DENND1A: variants seen among roughly 807,000 people sequenced by gnomAD.
DENND1A encodes the protein DENN domain containing 1A, also known as DENN domain-containing protein 1A.
Under a neutral mutation model 113.7 loss-of-function variants are expected in DENND1A, and 51 were observed. The observed-to-expected ratio is 0.45, with a 90% CI of 0.36 to 0.57. DENND1A has a LOEUF of 0.57. DENND1A is among the 20% of genes least tolerant of loss of function. The probability of loss-of-function intolerance (pLI) is 0.00; values close to 1 mark genes in which losing one functional copy is unlikely to be tolerated. For synonymous variants in DENND1A, 565 were observed against 570.8 expected (o/e 0.99, Z 0.14); for missense variants, 1,258 against 1,395.9 (o/e 0.90, Z 1.57).
intron 1 of DENND1A, among the ~76,000 whole-genome samples, chr9:123,920,253 A>G (rs1855978303): frequency 6.6e-6 from 1 of 152,086 alleles, no homozygotes; most frequent in South Asian, 2.1e-4. Context: ...CAAACTGGAG[A>G]AATCCGTCTC....
chr9:123,752,749 T>C (rs1206647226), intron 5 of DENND1A, among the ~76,000 whole-genome samples: 1 of 152,218 alleles, frequency 6.6e-6, no homozygotes, highest in African/African-American at 2.4e-5. Flanking sequence ...CTAGGTCACT[T>C]TGTTTTATAA....
intron 12 of DENND1A, among the ~76,000 whole-genome samples, chr9:123,581,743 C>T (rs1301100901): frequency 6.6e-6 from 1 of 152,200 alleles, no homozygotes; most frequent in Non-Finnish European, 1.5e-5. Context: ...CACCAATGCC[C>T]ACCAGGTAAA....
intron 13 of DENND1A, among the ~76,000 whole-genome samples, chr9:123,537,625 G>A (rs2055883898): frequency 6.7e-6 from 1 of 149,720 alleles, no homozygotes; most frequent in South Asian, 2.1e-4. Context: ...TAAAATTGCT[G>A]AACTTAAAAA....
chr9:123,588,424 G>C (rs1308754280), intron 11 of DENND1A, among the ~76,000 whole-genome samples: 1 of 151,530 alleles, frequency 6.6e-6, no homozygotes, highest in Non-Finnish European at 1.5e-5. Flanking sequence ...TTCAAGACCA[G>C]CCTGGACAAC....
intron 5 of DENND1A, among the ~76,000 whole-genome samples, chr9:123,696,365 G>T (rs2065521498): frequency 6.6e-6 from 1 of 152,210 alleles, no homozygotes; most frequent in East Asian, 1.9e-4. Flanking sequence ...TTTCTTTACT[G>T]CTGTACAATA....
At chr9:123,873,266 G>A (rs1201018360) in intron 2 of DENND1A, among the ~76,000 whole-genome samples, 1 of 152,182 alleles carries the variant, frequency 6.6e-6, no homozygotes, top group Non-Finnish European at 1.5e-5. Context: ...AGTTCAGCTT[G>A]TGTACTCAAA....
At chr9:123,552,659 C>T (rs762653799) in intron 13 of DENND1A, among the ~76,000 whole-genome samples, 16 of 152,346 alleles carry the variant, frequency 1.1e-4, no homozygotes, top group Admixed American at 4.6e-4. Context: ...GGCTGCCCTG[C>T]GTGGCGTTCA....
At chr9:123,490,531 G>C (rs2051277027) in intron 13 of DENND1A, among the ~76,000 whole-genome samples, 1 of 152,084 alleles carries the variant, frequency 6.6e-6, no homozygotes, top group African/African-American at 2.4e-5. Context: ...AGAGGTTATA[G>C]TGAGCCAAGA....
intron 5 of DENND1A, among the ~76,000 whole-genome samples, chr9:123,689,377 C>T (rs1162241504): frequency 6.6e-6 from 1 of 152,052 alleles, no homozygotes; most frequent in Non-Finnish European, 1.5e-5. Context: ...AGGAAAGTTG[C>T]CTTTTAATGA....
intron 13 of DENND1A, among the ~76,000 whole-genome samples, chr9:123,508,306 A>G (rs1030452169): frequency 7.9e-5 from 12 of 152,236 alleles, no homozygotes; most frequent in Admixed American, 7.2e-4. Context: ...TGTCTTTGCC[A>G]TTTGCATTCA....
rs190987597 is a variant in DENND1A at position 123,800,250 on chromosome 9, T to C, written c.89-7620A>G. ...ATCTGTATAAATTGAAGGACCCTTC[T>C]GCTAATTCCTTTGCTTTCTAAGTTT... On this transcript the variant is annotated intron_variant, in intron 2 of 23. Coordinates refer to ENST00000394215, the MANE Select transcript of DENND1A (RefSeq NM_001352964.2). Among the ~76,000 whole-genome samples the C allele has an allele frequency of 3.3e-3, 497 of 152,374 alleles. 5 individuals carry two copies. Among genetic ancestry groups the C allele is most frequent in the African/African-American group, 0.011 (470 of 41,598 alleles).
chr9:123,823,346 G>A (rs1036056725), intron 2 of DENND1A, among the ~76,000 whole-genome samples: 3 of 152,170 alleles, frequency 2.0e-5, no homozygotes, highest in Non-Finnish European at 4.4e-5. Flanking sequence ...AAAGTGGTCT[G>A]GGCAGATGGA....
At chr9:123,482,937 G>T (rs1462460437) in intron 13 of DENND1A, among the ~76,000 whole-genome samples, 1 of 152,210 alleles carries the variant, frequency 6.6e-6, no homozygotes, top group Non-Finnish European at 1.5e-5. Flanking sequence ...AGGTCATGTT[G>T]TCCTAAAGCA....
intron 13 of DENND1A, among the ~76,000 whole-genome samples, chr9:123,503,636 A>C (rs2134300318): frequency 6.6e-6 from 1 of 152,332 alleles, no homozygotes; most frequent in South Asian, 2.1e-4. Flanking sequence ...GTACCCTGAA[A>C]AACTTCAAGT....
At position 123,383,918 on chromosome 9, in the gene DENND1A, C is replaced by T. The variant is rs2808411; in HGVS notation, c.1761-5G>A. 3.1e-6 allele frequency: 5 copies of T among 1,605,616 alleles called. No homozygotes were observed. Among genetic ancestry groups the T allele is most frequent in the Non-Finnish European group, 2.5e-6 (3 of 1,178,780 alleles). Reference sequence around the variant, plus strand: ...AGTGTCCGATACGGCTGCGGCCTGTCGGGGACAGAGCAGGCTGCACTCTCC... The same window carrying T: ...AGTGTCCGATACGGCTGCGGCCTGTTGGGGACAGAGCAGGCTGCACTCTCC... On this transcript the variant is annotated splice_polypyrimidine_tract_variant and splice_region_variant and intron_variant, in intron 22 of 23. Coordinates refer to ENST00000394215, the MANE Select transcript of DENND1A (RefSeq NM_001352964.2).
intron 6 of DENND1A, among the ~76,000 whole-genome samples, chr9:123,676,065 T>C (rs949492494): frequency 1.3e-5 from 2 of 152,210 alleles, no homozygotes; most frequent in Non-Finnish European, 2.9e-5. Context: ...ACATTTTTAA[T>C]AGTGTGGGAG....
At chr9:123,572,477 T>C (rs1252792694) in intron 12 of DENND1A, among the ~76,000 whole-genome samples, 2 of 152,196 alleles carry the variant, frequency 1.3e-5, no homozygotes, top group African/African-American at 4.8e-5. Flanking sequence ...GTTTAAAATA[T>C]ACATCTATAA....
intron 5 of DENND1A, among the ~76,000 whole-genome samples, chr9:123,745,431 G>A (rs185274102): frequency 2.0e-5 from 3 of 152,234 alleles, no homozygotes; most frequent in Admixed American, 1.3e-4. Context: ...AAAAAGCAAG[G>A]AGCTAGTGGC....
chr9:123,837,230 A>G (rs1229747614), intron 2 of DENND1A, among the ~76,000 whole-genome samples: 2 of 152,194 alleles, frequency 1.3e-5, no homozygotes, highest in Non-Finnish European at 2.9e-5. Context: ...CTGCAATTAG[A>G]ATAATCAAAC....
Sources: allele counts gnomAD v4.1 joint callset (sites outside exome capture counted in the v4.1 genomes callset), GRCh38; gene constraint gnomAD v4.1.1; transcripts MANE v1.5; gene names NCBI Gene and HGNC (gene_info 2026-07-23, HGNC 2026-07-21).